Variants in INTS3 observed in about 807,000 individuals in gnomAD.
INTS3 encodes the protein integrator complex subunit 3, also known as SOSS complex subunit A.
INTS3 carries 34 observed loss-of-function variants against 146.3 expected under a neutral mutation model. The ratio of observed to expected loss-of-function variants is 0.23; its 90% CI spans 0.18 to 0.31. INTS3 has a LOEUF of 0.31. INTS3 is among the 10% of genes least tolerant of loss of function. The probability of loss-of-function intolerance (pLI) is 1.00; values close to 1 mark genes in which losing one functional copy is unlikely to be tolerated. For synonymous variants in INTS3, 475 were observed against 494.9 expected (o/e 0.96, Z 0.53); for missense variants, 757 against 1,304.2 (o/e 0.58, Z 6.46).
At position 153,773,588 on chromosome 1, in the gene INTS3, C is replaced by CGGA; in HGVS notation, c.*318_*319insGGA. The CGGA allele has an allele frequency of 2.2e-6, 1 of 447,314 alleles. No homozygotes were observed. 27.7% of individuals were successfully genotyped at this position (447,314 alleles called of 1,614,324 possible). ...GCCCCCTGGCCCCTTCCGCAATCTC[C>CGGA]TCCCCCAGTCTCCCAAAGAGCCATT... On this transcript the variant is annotated 3_prime_UTR_variant, in exon 30 of 30. Transcript: ENST00000318967.
At chr1:153,731,211 G>A (rs1671047302) in intron 1 of INTS3, among the ~76,000 whole-genome samples, 1 of 152,118 alleles carries the variant, frequency 6.6e-6, no homozygotes, top group Non-Finnish European at 1.5e-5. Context: ...AAAGAAACTA[G>A]TTAGAGTAGT....
intron 21 of INTS3, 98 bp from the exon 22 acceptor site, chr1:153,768,795 C>G: frequency 1.1e-6 from 1 of 916,732 alleles, no homozygotes; most frequent in Non-Finnish European, 1.8e-6. Context: ...TCTGGCTGAC[C>G]CAGTCAAACC....
chr1:153,743,581 G>T (rs1671616553), intron 3 of INTS3, among the ~76,000 whole-genome samples: 1 of 145,408 alleles, frequency 6.9e-6, no homozygotes, highest in African/African-American at 2.5e-5. Flanking sequence ...GAGGATGCAT[G>T]GGGTGGATTT....
intron 1 of INTS3, among the ~76,000 whole-genome samples, chr1:153,732,091 AT>A (rs1671090112): frequency 6.6e-6 from 1 of 150,608 alleles, no homozygotes; most frequent in Non-Finnish European, 1.5e-5. Flanking sequence ...TTTAGTAGAG[AT>A]GGGTTTCACC....
intron 6 of INTS3, 113 bp downstream of exon 6, chr1:153,748,868 AG>A (rs1368657781): frequency 1.3e-5 from 11 of 848,054 alleles, no homozygotes; most frequent in Middle Eastern, 3.1e-4. Context: ...TAAGTTAGAG[AG>A]GGGGAGGCAA....
At position 153,762,710 on chromosome 1, in the gene INTS3, T is replaced by C. The variant is rs1362861265; in HGVS notation, c.1517-18T>C. 4 of 1,614,124 alleles carry C rather than the reference T, an allele frequency of 2.5e-6. No individual in the cohort carries two copies. Among genetic ancestry groups the C allele is most frequent in the Non-Finnish European group, 3.4e-6 (4 of 1,179,978 alleles). On this transcript the variant is annotated intron_variant, in intron 14 of 29. Transcript: ENST00000318967. ...ACCCAGGAGGCCATTAAATGCCTTA[T>C]CTTTTTTTACTCCCAAGTCAAAATT... is the stretch of plus-strand genomic sequence containing the variant.
chr1:153,764,979 T>G lies in INTS3; in HGVS notation c.2006T>G (p.Phe669Cys). 6.2e-7 allele frequency: 1 copy of G among 1,614,038 alleles called. No homozygotes were observed. The highest frequency in any genetic ancestry group is 1.1e-5 in the South Asian group (1 of 91,072). The change falls in exon 20 of 30, where the codon TTC becomes TGC. Residue 669 changes from phenylalanine (F) to cysteine (C), a missense_variant. By Grantham distance (205) the Phe-to-Cys change is radical (BLOSUM62 -2). Coordinates refer to ENST00000318967, the MANE Select transcript of INTS3 (RefSeq NM_023015.5). ...LCQMQEDNSS[F>C]SLLLDLLSEL... is the part of the protein sequence containing the mutation. ...CAGATGCAGGAAGACAACAGCAGCT[T>G]CTCTCTACTTCTAGACCTTCTCTCC...
chr1:153,759,382 G>A, intron 10 of INTS3, 144 bp from the exon 11 acceptor site: 1 of 702,920 alleles, frequency 1.4e-6, no homozygotes, highest in Non-Finnish European at 2.6e-6. Context: ...AACACAAGGG[G>A]GGTTAGCATT....
intron 13 of INTS3, 147 bp from the exon 14 acceptor site, chr1:153,761,423 T>C (rs1233611753): frequency 1.6e-6 from 1 of 607,260 alleles, no homozygotes; most frequent in African/African-American, 1.9e-5. Flanking sequence ...GGCACAAGAA[T>C]CGCTTGAATC....
chr1:153,728,502 G>A lies in INTS3; in HGVS notation c.-133G>A. 1 of 1,134,026 alleles carries A rather than the reference G, an allele frequency of 8.8e-7. No individual in the cohort carries two copies. Among genetic ancestry groups the A allele is most frequent in the South Asian group, 1.6e-5 (1 of 64,268 alleles). 70.2% of individuals were successfully genotyped at this position (1,134,026 alleles called of 1,614,324 possible). A position where few individuals can be genotyped will look rare whatever the true frequency, so the allele number is the denominator to read the frequency against. ...TTTGGAGAGGAGGGAGGAGTGGAGA[G>A]GACAGGGGCCCTTGCTCTCCCCTCC... On this transcript the variant is annotated 5_prime_UTR_variant, in exon 1 of 30. Transcript: ENST00000318967.
Position 153,740,112 on chromosome 1 carries a change from T to G in INTS3, c.151-539T>G, listed in dbSNP as rs550981222. ...CCGTGCCCGCCCTATTTTATTTTAT[T>G]TTTTTGAGACAGGGTCTCGCTCTGT... On this transcript the variant is annotated intron_variant, in intron 1 of 29. Coordinates refer to ENST00000318967, the MANE Select transcript of INTS3 (RefSeq NM_023015.5). Among the ~76,000 whole-genome samples the G allele has an allele frequency of 3.6e-4, 54 of 150,084 alleles. 1 individual carries two copies. In the South Asian group the frequency reaches 0.011, roughly 31 times the overall value.
At chr1:153,761,438 A>T in intron 13 of INTS3, 132 bp from the exon 14 acceptor site, 1 of 633,080 alleles carries the variant, frequency 1.6e-6, no homozygotes, top group East Asian at 2.7e-5. Flanking sequence ...TGAATCCGGG[A>T]GGTGGAGGTT....
chr1:153,757,827 C>G lies in INTS3; in HGVS notation c.1149+64C>G, dbSNP rs1672218521. 27 of 1,440,854 alleles carry G rather than the reference C, an allele frequency of 1.9e-5. No homozygotes were observed. Among genetic ancestry groups the G allele is most frequent in the Non-Finnish European group, 2.6e-5 (27 of 1,031,734 alleles). 89.3% of individuals were successfully genotyped at this position (1,440,854 alleles called of 1,614,324 possible). A position where few individuals can be genotyped will look rare whatever the true frequency, so the allele number is the denominator to read the frequency against. ...TCCATGGTGTTCCCATGTTTCCATTCTTCTTCCTGACTCCAGGGCCACTTG... is the reference window on the plus strand; with the variant it reads ...TCCATGGTGTTCCCATGTTTCCATTGTTCTTCCTGACTCCAGGGCCACTTG... On this transcript the variant is annotated intron_variant, in intron 10 of 29. Coordinates refer to ENST00000318967, the MANE Select transcript of INTS3 (RefSeq NM_023015.5). The surrounding 1 kb of genome is among the most constrained non-coding windows in gnomAD (Gnocchi z 4.0).
chr1:153,770,619 G>C (rs1672811198), intron 24 of INTS3, 66 bp from the exon 25 acceptor site: 2 of 1,347,770 alleles, frequency 1.5e-6, no homozygotes, highest in South Asian at 2.3e-5. Context: ...GGGGATGAGA[G>C]AGGTCCCCAG....
At chr1:153,773,158 T>G in intron 29 of INTS3, 35 bp from the exon 30 acceptor site, 2 of 1,613,682 alleles carry the variant, frequency 1.2e-6, no homozygotes, top group South Asian at 2.2e-5. Context: ...CTGCCCAGGC[T>G]GTTAACTTCC....
At chr1:153,764,652 C>G (rs746066480) in intron 18 of INTS3, 38 bp from the exon 19 acceptor site, 21 of 1,507,376 alleles carry the variant, frequency 1.4e-5, no homozygotes, top group South Asian at 4.5e-5. Flanking sequence ...CAGCAGCCCC[C>G]CTCACATGGA....
chr1:153,764,773 A>G (rs774436363), intron 19 of INTS3, 39 bp downstream of exon 19: 5 of 1,562,370 alleles, frequency 3.2e-6, no homozygotes, highest in Admixed American at 1.7e-5. Context: ...TCTACCCTCC[A>G]TCCTCCCTGA....
rs1355474430 is a variant in INTS3, at chr1:153,731,675, TC to T, written c.150+2894del. 2.9e-5 allele frequency among the ~76,000 whole-genome samples: 4 copies of T among 139,194 alleles called. No homozygotes were observed. In the East Asian group the frequency reaches 9.5e-4, roughly 33 times the overall value. 91.3% of individuals were successfully genotyped at this position (139,194 alleles called of 152,430 possible). ...ATCTTGGCTCACTGCAAGCTCTGCC[TC>T]CCGGGTTCACACCATTCTCCTGCCT... On this transcript the variant is annotated intron_variant, in intron 1 of 29. Transcript: ENST00000318967.
intron 3 of INTS3, among the ~76,000 whole-genome samples, chr1:153,743,935 C>G (rs1253602175): frequency 6.6e-6 from 1 of 151,922 alleles, no homozygotes; most frequent in Non-Finnish European, 1.5e-5. Context: ...TGACACATCA[C>G]TGCTCTTGAC....
Sources: allele counts gnomAD v4.1 joint callset (sites outside exome capture counted in the v4.1 genomes callset), GRCh38; gene constraint gnomAD v4.1.1; non-coding constraint Gnocchi (gnomAD v3.1); transcripts MANE v1.5; gene names NCBI Gene and HGNC (gene_info 2026-07-23, HGNC 2026-07-21).